Variants in NCAM2 observed in about 807,000 individuals in gnomAD.
The protein encoded by NCAM2 is neural cell adhesion molecule 2.
NCAM2 carries 30 observed loss-of-function variants against 98.1 expected under a neutral mutation model. That is an observed-to-expected ratio of 0.31 (90% CI 0.23 to 0.41). NCAM2 has a LOEUF of 0.41. Ranked by LOEUF, NCAM2 falls within the 10% of genes least tolerant of loss-of-function variation. NCAM2 has a pLI of 1.00. For synonymous variants in NCAM2, 368 were observed against 342.4 expected, an observed-to-expected ratio of 1.07 and a Z score of -0.83; for missense variants, 867 against 1,005.8, an observed-to-expected ratio of 0.86 and a Z score of 1.87.
At chr21:21,003,859 G>C (rs1434779674) in intron 1 of NCAM2, among the ~76,000 whole-genome samples, 4 of 152,090 alleles carry the variant, frequency 2.6e-5, no homozygotes, top group African/African-American at 7.2e-5. Flanking sequence ...ATTGTGTGAA[G>C]AACAACTCCA....
chr21:21,270,708 A>G (rs1276385153), intron 1 of NCAM2, among the ~76,000 whole-genome samples: 4 of 152,148 alleles, frequency 2.6e-5, no homozygotes, highest in African/African-American at 9.7e-5. Flanking sequence ...GCCTCCTTTC[A>G]TAAATATTTT....
At chr21:21,518,103 T>G (rs187425057) in intron 16 of NCAM2, among the ~76,000 whole-genome samples, 7 of 152,256 alleles carry the variant, frequency 4.6e-5, no homozygotes, top group African/African-American at 1.7e-4. Flanking sequence ...AAATTACCCT[T>G]ATAATGCCTG....
At chr21:21,381,916 T>G (rs1294437184) in intron 9 of NCAM2, among the ~76,000 whole-genome samples, 1 of 152,148 alleles carries the variant, frequency 6.6e-6, no homozygotes, top group Non-Finnish European at 1.5e-5. Flanking sequence ...AATTTATCTT[T>G]CATCAAATGT....
chr21:21,382,052 G>A (rs1016959984), intron 9 of NCAM2, among the ~76,000 whole-genome samples: 3 of 152,072 alleles, frequency 2.0e-5, no homozygotes, highest in Non-Finnish European at 4.4e-5. Context: ...CAAAGAGAAA[G>A]CCATATAAAT....
At chr21:21,114,668 T>C (rs1465938700) in intron 1 of NCAM2, among the ~76,000 whole-genome samples, 2 of 152,174 alleles carry the variant, frequency 1.3e-5, no homozygotes, top group African/African-American at 4.8e-5. Flanking sequence ...AATAAACCAC[T>C]GATCAGTATC....
chr21:21,193,726 C>T (rs2146977936), intron 1 of NCAM2, among the ~76,000 whole-genome samples: 1 of 152,040 alleles, frequency 6.6e-6, no homozygotes, highest in Non-Finnish European at 1.5e-5. Flanking sequence ...GATCTGTTGA[C>T]CTCATGATCC....
At chr21:21,466,244 G>C (rs535702806) in intron 12 of NCAM2, among the ~76,000 whole-genome samples, 1 of 152,026 alleles carries the variant, frequency 6.6e-6, no homozygotes, top group East Asian at 1.9e-4. Flanking sequence ...TCTATGTAGA[G>C]TACTTCTACT....
chr21:21,280,530 A>T, intron 1 of NCAM2, 48 bp from the exon 2 acceptor site: 1 of 1,346,114 alleles, frequency 7.4e-7, no homozygotes, highest in Non-Finnish European at 1.0e-6. Flanking sequence ...AAAATCTTAG[A>T]AATCACGCTT....
At chr21:21,120,686 T>TA (rs967734430) in intron 1 of NCAM2, among the ~76,000 whole-genome samples, 2 of 150,880 alleles carry the variant, frequency 1.3e-5, no homozygotes, top group African/African-American at 4.9e-5. Flanking sequence ...AATTAAAGTT[T>TA]AAAAAAATTG....
At chr21:21,154,853 G>A (rs541926602) in intron 1 of NCAM2, among the ~76,000 whole-genome samples, 4 of 151,970 alleles carry the variant, frequency 2.6e-5, no homozygotes, top group East Asian at 1.9e-4. Flanking sequence ...GCCAGCAATA[G>A]TTGAGGTTGT....
At chr21:21,384,213 A>C (rs937400126) in intron 9 of NCAM2, among the ~76,000 whole-genome samples, 1 of 152,032 alleles carries the variant, frequency 6.6e-6, no homozygotes, top group African/African-American at 2.4e-5. Context: ...CATAAAGCAA[A>C]AGAAAATCTT....
chr21:21,124,234 GTAATGC>G (rs2066740078), intron 1 of NCAM2, among the ~76,000 whole-genome samples: 1 of 152,050 alleles, frequency 6.6e-6, no homozygotes, highest in Non-Finnish European at 1.5e-5. Flanking sequence ...GGCAGACAAG[GTAATGC>G]TGACCAAACT....
At chr21:21,352,117 A>C (rs1246666921) in intron 8 of NCAM2, among the ~76,000 whole-genome samples, 2 of 151,912 alleles carry the variant, frequency 1.3e-5, no homozygotes, top group African/African-American at 4.8e-5. Flanking sequence ...CACAGGCTGG[A>C]GTGCAGAGGT....
intron 1 of NCAM2, among the ~76,000 whole-genome samples, chr21:21,017,066 T>C (rs561880246): frequency 6.4e-4 from 98 of 152,298 alleles, no homozygotes; most frequent in African/African-American, 2.3e-3. Flanking sequence ...GAGAATAACA[T>C]TTTCAAGTGT....
At chr21:21,119,100 T>C (rs1226995514) in intron 1 of NCAM2, among the ~76,000 whole-genome samples, 1 of 152,192 alleles carries the variant, frequency 6.6e-6, no homozygotes, top group Non-Finnish European at 1.5e-5. Flanking sequence ...AACTGTCATT[T>C]TTCATTTGGG....
At chr21:21,394,618 A>G (rs1472741458) in intron 9 of NCAM2, among the ~76,000 whole-genome samples, 3 of 151,230 alleles carry the variant, frequency 2.0e-5, no homozygotes, top group Non-Finnish European at 2.9e-5. Flanking sequence ...CCTCCAGAGT[A>G]GCTGGGACTA....
At chr21:21,209,205 G>A (rs1324648622) in intron 1 of NCAM2, among the ~76,000 whole-genome samples, 3 of 151,936 alleles carry the variant, frequency 2.0e-5, no homozygotes, top group Non-Finnish European at 4.4e-5. Flanking sequence ...TTGATAATGG[G>A]TTTAGCTTGG....
chr21:21,117,245 T>A lies in NCAM2; in HGVS notation c.55+118627T>A, dbSNP rs186996002. ...CTCATGCTCACAGCTTGGCAATCAC[T>A]TTTCTACTCTCTGTTTCTATGAGTT... On this transcript the variant is annotated intron_variant, in intron 1 of 17. Transcript: ENST00000400546. Among the ~76,000 whole-genome samples, 833 of 152,300 alleles carry A rather than the reference T, an allele frequency of 5.5e-3. 8 individuals carry two copies. The highest frequency in any genetic ancestry group is 0.019 in the African/African-American group (797 of 41,572).
intron 1 of NCAM2, among the ~76,000 whole-genome samples, chr21:21,169,683 T>A (rs2068059182): frequency 6.6e-6 from 1 of 152,142 alleles, no homozygotes; most frequent in Non-Finnish European, 1.5e-5. Flanking sequence ...GCATGGTGGC[T>A]CATGCCGGTA....
Sources: gnomAD v4.1 joint callset for allele counts (sites outside exome capture counted in the v4.1 genomes callset) on GRCh38, gnomAD v4.1.1 for gene constraint, MANE v1.5 for transcripts, NCBI Gene and HGNC (gene_info 2026-07-23, HGNC 2026-07-21) for gene names.